The following ULK2 variants were observed in gnomAD, a reference collection of about 807,000 sequenced individuals.
ULK2 encodes unc-51 like autophagy activating kinase 2, also known as serine/threonine-protein kinase ULK2.
In ULK2, 76 loss-of-function variants were observed where a neutral mutation model predicts 127.5. The ratio of observed to expected loss-of-function variants is 0.60; its 90% CI spans 0.50 to 0.72. ULK2 has a LOEUF of 0.72. Ranked by LOEUF, ULK2 falls within the 30% of genes least tolerant of loss-of-function variation. The pLI, the probability that ULK2 is intolerant of heterozygous loss-of-function variation, is 0.00. For synonymous variants in ULK2, 452 were observed against 461.9 expected (o/e 0.98, Z 0.28); for missense variants, 1,144 against 1,295.9 (o/e 0.88, Z 1.80).
Position 19,816,801 on chromosome 17 carries a change from A to T in ULK2, c.1044T>A (p.Cys348Ter). 6.2e-7 allele frequency: 1 copy of T among 1,610,678 alleles called. No homozygotes were observed. Among genetic ancestry groups the T allele is most frequent in the Non-Finnish European group, 8.5e-7 (1 of 1,179,048 alleles). The change falls in exon 13 of 27, where the codon TGT becomes TGA. Residue 348 changes from cysteine to a stop codon, truncating the protein, a stop_gained. Transcript: ENST00000395544. LOFTEE classifies it high-confidence loss of function. ...SASTSSKNSS[C>*]DTDDFVLVPH... ...GCACCAAAACAAAGTCATCCGTGTC[A>T]CAAGAAGAGTTCTTGCTACTAGTAC... is the stretch of plus-strand genomic sequence containing the variant.
At chr17:19,794,152 T>A (rs1196443594) in intron 20 of ULK2, among the ~76,000 whole-genome samples, 1 of 152,018 alleles carries the variant, frequency 6.6e-6, no homozygotes, top group African/African-American at 2.4e-5. Context: ...AATATCTTCC[T>A]GAAACTTCCT....
chr17:19,781,230 C>A, intron 23 of ULK2, 126 bp from the exon 24 acceptor site: 77 of 564,924 alleles, frequency 1.4e-4, no homozygotes, highest in Middle Eastern at 4.2e-4. Context: ...GATTTCTTTT[C>A]TTCTTTCTTT....
At position 19,865,783 on chromosome 17, in the gene ULK2, A is replaced by G; in HGVS notation, c.136T>C (p.Leu46=). ...CCAAGCAGTATTTGTGATTTTGACA[A>G]GTTCTTTTTATTAATACTTTTAATA... is the stretch of plus-strand genomic sequence containing the variant. The part of the protein sequence containing the change: ...VAIKSINKKN[L]SKSQILLGKE... Residue 46 remains leucine (L), a synonymous_variant, in exon 2 of 27, where the codon TTG becomes CTG. Transcript: ENST00000395544. 6.4e-7 allele frequency: 1 copy of G among 1,565,706 alleles called. No homozygotes were observed. Among genetic ancestry groups the G allele is most frequent in the South Asian group, 1.2e-5 (1 of 86,766 alleles).
rs201900459 is a variant in ULK2 at position 19,816,385 on chromosome 17, G to A, written c.1096+364C>T. ...CTTACATAAGTATTTTCTGAAGGAC[G>A]TTCAGATTGTTTATAACACTCTTTT... On this transcript the variant is annotated intron_variant, in intron 13 of 26. Transcript: ENST00000395544. 5.2e-5 allele frequency: 8 copies of A among 155,238 alleles called. No homozygotes were observed. The East Asian group carries it at 5.6e-4, about 11-fold the overall frequency. The allele number at this position is 155,238 out of a possible 1,614,324, so 9.6% of individuals were successfully genotyped here.
chr17:19,800,494 G>A (rs1316411467), intron 16 of ULK2, among the ~76,000 whole-genome samples: 2 of 152,082 alleles, frequency 1.3e-5, no homozygotes, highest in Middle Eastern at 3.2e-3. Flanking sequence ...GTACCTCAGG[G>A]GCTGCTACAG....
chr17:19,829,750 C>T (rs1428026897), intron 10 of ULK2, among the ~76,000 whole-genome samples: 1 of 149,116 alleles, frequency 6.7e-6, no homozygotes, highest in Non-Finnish European at 1.5e-5. Flanking sequence ...GCAGGAGAAT[C>T]GCTTGAACCT....
intron 10 of ULK2, among the ~76,000 whole-genome samples, chr17:19,837,906 C>T (rs2041636749): frequency 6.6e-6 from 1 of 152,222 alleles, no homozygotes; most frequent in South Asian, 2.1e-4. Flanking sequence ...TTTTTAAAAA[C>T]ATTAGTCACA....
chr17:19,839,159 A>G (rs1203029870), intron 9 of ULK2, among the ~76,000 whole-genome samples: 2 of 152,152 alleles, frequency 1.3e-5, no homozygotes, highest in African/African-American at 4.8e-5. Context: ...CAAAAGCCCA[A>G]TGTTGACTTT....
chr17:19,856,814 A>G (rs978186227), intron 3 of ULK2, among the ~76,000 whole-genome samples: 1 of 150,964 alleles, frequency 6.6e-6, no homozygotes, highest in African/African-American at 2.4e-5. Context: ...CTACTAAAAA[A>G]TACAAAAACA....
Position 19,834,217 on chromosome 17 carries a change from C to A in ULK2, c.787+4284G>T, listed in dbSNP as rs1233428075. On this transcript the variant is annotated intron_variant, in intron 10 of 26. Coordinates refer to ENST00000395544, the MANE Select transcript of ULK2 (RefSeq NM_014683.4). ...TAACAACCAAGAATTCAGTATCTAC[C>A]AAAAAAAAAAACACTTTTCCAAAGT... is the stretch of plus-strand genomic sequence containing the variant. 1.8e-3 allele frequency among the ~76,000 whole-genome samples: 245 copies of A among 133,130 alleles called. 1 individual carries two copies. Among genetic ancestry groups the A allele is most frequent in the African/African-American group, 6.3e-3 (228 of 36,150 alleles). The allele number at this position is 133,130 out of a possible 152,430, so 87.3% of individuals were successfully genotyped here.
chr17:19,831,254 C>T (rs1418881538), intron 10 of ULK2, among the ~76,000 whole-genome samples: 2 of 151,894 alleles, frequency 1.3e-5, no homozygotes, highest in African/African-American at 4.8e-5. Context: ...AGGAAATCCG[C>T]CCCCATGATT....
chr17:19,851,762 C>T (rs542252769), intron 3 of ULK2, among the ~76,000 whole-genome samples: 2 of 152,072 alleles, frequency 1.3e-5, no homozygotes, highest in Admixed American at 6.5e-5. Context: ...CGGTGGTTCA[C>T]GACTGTAATC....
chr17:19,802,064 T>TA, intron 15 of ULK2, 142 bp from the exon 16 acceptor site: 2 of 912,610 alleles, frequency 2.2e-6, no homozygotes, highest in East Asian at 5.7e-5. Flanking sequence ...ATAAGATGCA[T>TA]AAAAAGAGTG....
chr17:19,860,420 T>C (rs1161033785), intron 3 of ULK2, among the ~76,000 whole-genome samples: 2 of 152,154 alleles, frequency 1.3e-5, no homozygotes, highest in African/African-American at 2.4e-5. Context: ...TTCCTAAACA[T>C]ACTGTACCCC....
chr17:19,811,657 G>A (rs1208043689), intron 13 of ULK2, among the ~76,000 whole-genome samples: 4 of 152,002 alleles, frequency 2.6e-5, no homozygotes, highest in Admixed American at 2.6e-4. Context: ...GGCCAGGCTG[G>A]TCTCGAACTC....
At chr17:19,846,180 C>G (rs1417472768) in intron 6 of ULK2, among the ~76,000 whole-genome samples, 1 of 152,008 alleles carries the variant, frequency 6.6e-6, no homozygotes, top group African/African-American at 2.4e-5. Context: ...AGTAAGCACA[C>G]CACATCAATT....
rs2086734965 is a variant in ULK2, at chr17:19,771,406, A to G, written c.*4943T>C. 3 of 152,264 alleles carry G rather than the reference A, an allele frequency of 2.0e-5. No individual in the cohort carries two copies. The highest frequency in any genetic ancestry group is 2.0e-4 in the Admixed American group (3 of 15,278). 9.4% of individuals were successfully genotyped at this position (152,264 alleles called of 1,614,324 possible). ...ACTGCCTGGTGGGCAAGCTGGAGAAAGCAACTTCTATGCAAGAACTGTGTC... is the reference window on the plus strand; with the variant it reads ...ACTGCCTGGTGGGCAAGCTGGAGAAGGCAACTTCTATGCAAGAACTGTGTC... On this transcript the variant is annotated 3_prime_UTR_variant, in exon 27 of 27. Transcript: ENST00000395544.
chr17:19,798,296 C>T (rs1472483288), intron 17 of ULK2, among the ~76,000 whole-genome samples: 1 of 152,174 alleles, frequency 6.6e-6, no homozygotes, highest in Non-Finnish European at 1.5e-5. Context: ...CCGAAAGCAT[C>T]CATATTCTCA....
intron 7 of ULK2, among the ~76,000 whole-genome samples, chr17:19,844,793 G>C (rs1597802457): frequency 6.6e-6 from 1 of 152,188 alleles, no homozygotes; most frequent in East Asian, 1.9e-4. Flanking sequence ...CATTACATTA[G>C]AAGTTTCATA....
Sources: gnomAD v4.1 joint callset for allele counts (sites outside exome capture counted in the v4.1 genomes callset) on GRCh38, gnomAD v4.1.1 for gene constraint, MANE v1.5 for transcripts, NCBI Gene and HGNC (gene_info 2026-07-23, HGNC 2026-07-21) for gene names.